The following PRSS54 variants were observed in gnomAD, a reference collection of about 807,000 sequenced individuals.
PRSS54 encodes the protein serine protease 54.
In PRSS54, 16 loss-of-function variants were observed where a neutral mutation model predicts 19.9. That is an observed-to-expected ratio of 0.80 (90% CI 0.54 to 1.22). The LOEUF is 1.22. Ranked by LOEUF, PRSS54 falls within the 50% of genes most tolerant of loss-of-function variation. PRSS54 has a pLI of 0.00. For synonymous variants in PRSS54, 177 were observed against 195.8 expected (o/e 0.90, Z 0.80); for missense variants, 444 against 494.8 (o/e 0.90, Z 0.97).
In PRSS54 at chr16:58,280,423, C is replaced by G. The variant is rs1964688940; in HGVS notation, c.989G>C (p.Arg330Thr). Residue 330 changes from arginine (R) to threonine (T), a missense_variant, in exon 7 of 7, where the codon AGA becomes ACA. Transcript: ENST00000567164. ...CTTCTCCCTAACATCTAGACTATCT[C>G]TAGAGCTGTTTCCTAGTCGTGAATG... ...ITHSRLGNSS[R>T]DSLDVREKDV... 3 of 1,614,190 alleles carry G rather than the reference C, an allele frequency of 1.9e-6. No homozygotes were observed. Among genetic ancestry groups the G allele is most frequent in the Admixed American group, 1.7e-5 (1 of 60,012 alleles).
intron 2 of PRSS54, 70 bp from the exon 3 acceptor site, chr16:58,293,892 T>G (rs1965092941): frequency 1.0e-5 from 13 of 1,249,808 alleles, no homozygotes; most frequent in Admixed American, 3.9e-5. Flanking sequence ...GCCTCTTTTT[T>G]CCATCCTCTT....
In PRSS54 at chr16:58,290,955, T is replaced by G; in HGVS notation, c.263+4A>C. ...TTGCGGGCCCCAAAGGCAGGGGCACTGGCCTGTTCTGAATGGCGGATGCGA... is the reference window on the plus strand; with the variant it reads ...TTGCGGGCCCCAAAGGCAGGGGCACGGGCCTGTTCTGAATGGCGGATGCGA... On this transcript the variant is annotated splice_donor_region_variant and intron_variant, in intron 4 of 6. Transcript: ENST00000567164. 2.5e-6 allele frequency: 4 copies of G among 1,614,018 alleles called. No individual in the cohort carries two copies. Among genetic ancestry groups the G allele is most frequent in the Non-Finnish European group, 3.4e-6 (4 of 1,179,944 alleles).
At chr16:58,284,226 C>T (rs535464750) in intron 6 of PRSS54, among the ~76,000 whole-genome samples, 5 of 152,216 alleles carry the variant, frequency 3.3e-5, no homozygotes, top group Admixed American at 6.5e-5. Context: ...TAACTGATAG[C>T]ATCAGAGGGG....
chr16:58,288,487 C>T (rs1237326991), intron 4 of PRSS54, among the ~76,000 whole-genome samples: 1 of 151,828 alleles, frequency 6.6e-6, no homozygotes, highest in Non-Finnish European at 1.5e-5. Flanking sequence ...ACCCTTGAGT[C>T]AAAGAGAAAA....
At chr16:58,290,533 C>T (rs1004710441) in intron 4 of PRSS54, among the ~76,000 whole-genome samples, 3 of 152,114 alleles carry the variant, frequency 2.0e-5, no homozygotes, top group Non-Finnish European at 4.4e-5. Context: ...CTTAAAAGCG[C>T]TTCTGTATTT....
chr16:58,281,225 G>A (rs370220516), intron 6 of PRSS54: 330 of 163,708 alleles, frequency 2.0e-3, no homozygotes, highest in Non-Finnish European at 3.7e-3. Context: ...TCCCAATGGA[G>A]CAGTCCTCTG....
rs777773301 is a variant in PRSS54, at chr16:58,280,633, T to A, written c.779A>T (p.Tyr260Phe). 2.5e-6 allele frequency: 4 copies of A among 1,614,054 alleles called. No homozygotes were observed. In the East Asian group the frequency reaches 8.9e-5, roughly 36 times the overall value. Reference protein sequence around the residue: ...GLFLYTKVEDYSKWITSKAER... With the variant: ...GLFLYTKVEDFSKWITSKAER... ...AGCCTTGGATGTGATCCATTTGCTGTAGTCTTCCACCTTGGTGTACAGAAA... is the reference window on the plus strand; with the variant it reads ...AGCCTTGGATGTGATCCATTTGCTGAAGTCTTCCACCTTGGTGTACAGAAA... The change falls in exon 7 of 7, where the codon TAC becomes TTC. Residue 260 changes from tyrosine (Y) to phenylalanine (F), a missense_variant. Coordinates refer to ENST00000567164, the MANE Select transcript of PRSS54 (RefSeq NM_001305173.2).
At chr16:58,288,692 A>C (rs892761109) in intron 4 of PRSS54, among the ~76,000 whole-genome samples, 39 of 152,218 alleles carry the variant, frequency 2.6e-4, no homozygotes, top group Admixed American at 1.3e-4. Flanking sequence ...TGCGTGTACA[A>C]GTATTTCTGT....
At position 58,280,507 on chromosome 16, in the gene PRSS54, G is replaced by A; in HGVS notation, c.905C>T (p.Ser302Phe). ...PNATMTQKTY[S>F]DSELGHVGSY... is the part of the protein sequence containing the mutation. The stretch of plus-strand genomic sequence containing the variant: ...TCCAACATGGCCCAGTTCAGAATCA[G>A]AATATGTCTTCTGTGTCATGGTGGC... The change falls in exon 7 of 7, where the codon TCT (serine) becomes TTT (phenylalanine). Residue 302 changes from serine to phenylalanine, a missense_variant. Physicochemically the swap from Ser to Phe is radical, Grantham distance 155 (BLOSUM62 -2). Coordinates refer to ENST00000567164, the MANE Select transcript of PRSS54 (RefSeq NM_001305173.2). 5 of 1,614,200 alleles carry A rather than the reference G, an allele frequency of 3.1e-6. No individual in the cohort carries two copies. The African/African-American group carries it at 4.0e-5, about 13-fold the overall frequency.
intron 6 of PRSS54, among the ~76,000 whole-genome samples, chr16:58,284,057 G>A (rs1964851424): frequency 6.6e-6 from 1 of 152,164 alleles, no homozygotes; most frequent in African/African-American, 2.4e-5. Context: ...TTGACTGTGT[G>A]ACCCTAGTAA....
rs750326282 is a variant in PRSS54, at chr16:58,280,366, G to A, written c.1046C>T (p.Ala349Val). 1.1e-5 allele frequency: 17 copies of A among 1,613,988 alleles called. No individual in the cohort carries two copies. The highest frequency in any genetic ancestry group is 4.5e-5 in the East Asian group (2 of 44,896). The change falls in exon 7 of 7, where the codon GCG becomes GTG. Residue 349 changes from alanine (A) to valine (V), a missense_variant. Physicochemically the swap from Ala to Val is moderately conservative, Grantham distance 64 (BLOSUM62 0). Coordinates refer to ENST00000567164, the MANE Select transcript of PRSS54 (RefSeq NM_001305173.2). ...GTCATAGTATAAGGGTTGTACAGAC[G>A]CCTCAGGAGACCTGCCTGATTCCTT... is the stretch of plus-strand genomic sequence containing the variant. ...DVKESGRSPE[A>V]SVQPLYYDYY...
intron 4 of PRSS54, 127 bp from the exon 5 acceptor site, chr16:58,286,322 T>C: frequency 1.0e-6 from 1 of 968,382 alleles, no homozygotes; most frequent in Admixed American, 2.2e-5. Flanking sequence ...TGTTAATTCT[T>C]CCTCACCCCT....
chr16:58,289,319 G>A (rs1002314647), intron 4 of PRSS54, among the ~76,000 whole-genome samples: 1 of 152,190 alleles, frequency 6.6e-6, no homozygotes, highest in African/African-American at 2.4e-5. Context: ...CCCAGTCTGT[G>A]ATATTTGTTA....
chr16:58,282,373 A>T (rs1964783956), intron 6 of PRSS54: 1 of 152,172 alleles, frequency 6.6e-6, no homozygotes, highest in Non-Finnish European at 1.5e-5. Flanking sequence ...TCTAACTTCA[A>T]GTGATCTGCC....
intron 6 of PRSS54, chr16:58,281,697 C>T (rs1964745376): frequency 1.3e-5 from 2 of 152,282 alleles, no homozygotes; most frequent in Non-Finnish European, 2.9e-5. Context: ...ATGTTGCTCT[C>T]GCAGTTTGGA....
rs555785764 is a variant in PRSS54 at position 58,281,042 on chromosome 16, C to G, written c.655-285G>C. 5.5e-5 allele frequency: 21 copies of G among 381,940 alleles called. No homozygotes were observed. In the South Asian group the frequency reaches 9.9e-4, roughly 18 times the overall value. The allele number at this position is 381,940 out of a possible 1,614,324, so 23.7% of individuals were successfully genotyped here. On this transcript the variant is annotated intron_variant, in intron 6 of 6. Transcript: ENST00000567164. ...GCCCCTTTCCAGTCCTTTGGCCAAA[C>G]CTTCCCTCTCTTCTGGCTTCTCATT...
At chr16:58,293,425 G>A (rs1227918498) in intron 3 of PRSS54, 1 of 487,948 alleles carries the variant, frequency 2.0e-6, no homozygotes, top group Non-Finnish European at 2.7e-6. Flanking sequence ...TCTCCTGGAA[G>A]GACAGGGCAG....
chr16:58,287,919 C>T (rs1050604546), intron 4 of PRSS54, among the ~76,000 whole-genome samples: 3 of 152,128 alleles, frequency 2.0e-5, no homozygotes, highest in Non-Finnish European at 4.4e-5. Flanking sequence ...CAGTCTAGGA[C>T]AGATCAAGTA....
intron 4 of PRSS54, among the ~76,000 whole-genome samples, chr16:58,287,538 C>T (rs1226197455): frequency 1.3e-5 from 2 of 152,142 alleles, no homozygotes; most frequent in Non-Finnish European, 2.9e-5. Flanking sequence ...ACGCAGTAGC[C>T]CTCAAAGGAA....
Sources: gnomAD v4.1 joint callset for allele counts (sites outside exome capture counted in the v4.1 genomes callset) on GRCh38, gnomAD v4.1.1 for gene constraint, MANE v1.5 for transcripts, NCBI Gene and HGNC (gene_info 2026-07-23, HGNC 2026-07-21) for gene names.